Variants in ZDHHC23 observed in about 807,000 individuals in gnomAD.
ZDHHC23 encodes palmitoyltransferase ZDHHC23.
A neutral mutation model predicts 40.2 loss-of-function variants in ZDHHC23; 41 were observed. The ratio of observed to expected loss-of-function variants is 1.02; its 90% CI spans 0.79 to 1.32. The LOEUF is 1.32. Ranked by LOEUF, ZDHHC23 falls within the 40% of genes most tolerant of loss-of-function variation. The pLI is 0.00. For synonymous variants in ZDHHC23, 204 were observed against 210.2 expected (o/e 0.97, Z 0.26); for missense variants, 471 against 541.5 (o/e 0.87, Z 1.29).
At chr3:113,966,472 C>T (rs2107544107), downstream of ZDHHC23, among the ~76,000 whole-genome samples, 1 of 152,274 alleles carries the variant, frequency 6.6e-6, no homozygotes, top group African/African-American at 2.4e-5. Flanking sequence ...GAGGACTACC[C>T]AGTCTGGTGG....
downstream of ZDHHC23, chr3:113,964,111 G>A (rs1024922263): frequency 1.3e-5 from 2 of 151,856 alleles, no homozygotes; most frequent in South Asian, 4.2e-4. Context: ...ATCCTTTCTA[G>A]GAAGTATGAG....
Position 113,960,687 on chromosome 3 carries a change from T to C in ZDHHC23, c.*2057T>C. 2 of 1,606,066 alleles carry C rather than the reference T, an allele frequency of 1.2e-6. No homozygotes were observed. Among genetic ancestry groups the C allele is most frequent in the Non-Finnish European group, 1.7e-6 (2 of 1,177,126 alleles). ...AATAATTTGGGAGAATTAGGAATGA[T>C]GACAATTTTTTTTAACAACTTACCT... On this transcript the variant is annotated 3_prime_UTR_variant, in exon 5 of 5. Coordinates refer to ENST00000638807, the MANE Select transcript of ZDHHC23 (RefSeq NM_001320466.2).
chr3:113,950,421 A>G lies in ZDHHC23; in HGVS notation c.161+1458A>G, dbSNP rs182186338. On this transcript the variant is annotated intron_variant, in intron 2 of 4. Transcript: ENST00000638807. ...GAGGGCCCTTTTCCTCATAGATGAC[A>G]CCTTCTTGGTGTGTCATGACATGGC... Among the ~76,000 whole-genome samples the G allele has an allele frequency of 1.8e-4, 27 of 152,036 alleles. No individual in the cohort carries two copies. The East Asian group carries it at 5.0e-3, about 28-fold the overall frequency.
In ZDHHC23 at chr3:113,958,507, C is replaced by T; in HGVS notation, c.1185C>T (p.Arg395=). ...AGGCCCTCCGACAGAAGACTGGGCGCCGGCTCCTCTGCGGGCTCATCGTGG... is the reference window on the plus strand; with the variant it reads ...AGGCCCTCCGACAGAAGACTGGGCGTCGGCTCCTCTGCGGGCTCATCGTGG... ...VQQALRQKTG[R]RLLCGLIVDT... The change falls in exon 5 of 5, where the codon CGC becomes CGT. Residue 395 remains arginine (R), a synonymous_variant. Coordinates refer to ENST00000638807, the MANE Select transcript of ZDHHC23 (RefSeq NM_001320466.2). The T allele has an allele frequency of 6.2e-7, 1 of 1,613,998 alleles. No individual in the cohort carries two copies. Among genetic ancestry groups the T allele is most frequent in the Non-Finnish European group, 8.5e-7 (1 of 1,180,046 alleles).
chr3:113,972,594 T>C, the ZDHHC23 span, among the ~76,000 whole-genome samples: 1 of 152,148 alleles, frequency 6.6e-6, no homozygotes, highest in South Asian at 2.1e-4. Flanking sequence ...CTATTTGGCC[T>C]GGTTTCTGGT....
chr3:113,969,279 A>ACT (rs1046076687), downstream of ZDHHC23, among the ~76,000 whole-genome samples: 1 of 151,370 alleles, frequency 6.6e-6, no homozygotes, highest in Admixed American at 6.6e-5. Context: ...GTTTGCAAAT[A>ACT]CTCTCTCTCT....
chr3:113,959,286 T>C lies in ZDHHC23; in HGVS notation c.*656T>C. ...CAGTTATGAGAATTTCTCCTTCTTA[T>C]TAGACATGAACTACTCAAACAGAGA... is the stretch of plus-strand genomic sequence containing the variant. On this transcript the variant is annotated 3_prime_UTR_variant, in exon 5 of 5. Transcript: ENST00000638807. 9.2e-7 allele frequency: 1 copy of C among 1,086,766 alleles called. No homozygotes were observed. The highest frequency in any genetic ancestry group is 1.6e-5 in the African/African-American group (1 of 61,900). 67.3% of individuals were successfully genotyped at this position (1,086,766 alleles called of 1,614,324 possible). A position where few individuals can be genotyped will look rare whatever the true frequency, so the allele number is the denominator to read the frequency against.
chr3:113,951,356 G>A (rs1426359003), intron 2 of ZDHHC23, among the ~76,000 whole-genome samples: 1 of 152,154 alleles, frequency 6.6e-6, no homozygotes, highest in East Asian at 1.9e-4. Flanking sequence ...TCTAGGTGGA[G>A]GCAGCCAGGC....
the ZDHHC23 span, among the ~76,000 whole-genome samples, chr3:113,972,527 G>T: frequency 6.6e-6 from 1 of 152,108 alleles, no homozygotes; most frequent in East Asian, 1.9e-4. Flanking sequence ...TCCATGTGCT[G>T]ATAAAAAGAA....
chr3:113,953,659 A>G (rs1559843214), intron 2 of ZDHHC23, 41 bp from the exon 3 acceptor site: 1 of 1,546,068 alleles, frequency 6.5e-7, no homozygotes, highest in Non-Finnish European at 8.8e-7. Context: ...AATTCAACAA[A>G]CCCACATGAA....
At chr3:113,976,855 A>C in the ZDHHC23 span, among the ~76,000 whole-genome samples, 7 of 152,134 alleles carry the variant, frequency 4.6e-5, no homozygotes, top group Admixed American at 1.3e-4. Context: ...TCTAAAGCTA[A>C]ATCATTTATC....
Position 113,948,648 on chromosome 3 carries a change from C to T in ZDHHC23, c.-117-38C>T, listed in dbSNP as rs540383408. Reference sequence around the variant, plus strand: ...CCACAGAAGCCTGATGAAAACGGGACCCCCTCCCCCTCTCTCTTCTCATTT... The same window carrying T: ...CCACAGAAGCCTGATGAAAACGGGATCCCCTCCCCCTCTCTCTTCTCATTT... On this transcript the variant is annotated intron_variant, in intron 1 of 4. Transcript: ENST00000638807. The T allele has an allele frequency of 4.8e-6, 4 of 833,998 alleles. No individual in the cohort carries two copies. In the South Asian group the frequency reaches 7.8e-5, roughly 16 times the overall value. The allele number at this position is 833,998 out of a possible 1,614,324, so 51.7% of individuals were successfully genotyped here.
At chr3:113,953,673 C>T (rs1278328322) in intron 2 of ZDHHC23, 27 bp from the exon 3 acceptor site, 16 of 1,580,060 alleles carry the variant, frequency 1.0e-5, no homozygotes, top group Non-Finnish European at 1.4e-5. Context: ...ACATGAAGTC[C>T]CTCCTCTTTG....
Position 113,956,333 on chromosome 3 carries a change from T to C in ZDHHC23, c.873-6T>C. The stretch of plus-strand genomic sequence containing the variant: ...TTGCTTTTTTATTTCTCTATGCTGT[T>C]TTGAGGATAAATAGCTGCGTTGGAG... On this transcript the variant is annotated splice_polypyrimidine_tract_variant and splice_region_variant and intron_variant, in intron 3 of 4. Coordinates refer to ENST00000638807, the MANE Select transcript of ZDHHC23 (RefSeq NM_001320466.2). 6.2e-7 allele frequency: 1 copy of C among 1,612,944 alleles called. No individual in the cohort carries two copies. The highest frequency in any genetic ancestry group is 8.5e-7 in the Non-Finnish European group (1 of 1,179,684).
At chr3:113,953,402 T>C (rs548080289) in intron 2 of ZDHHC23, among the ~76,000 whole-genome samples, 9 of 152,352 alleles carry the variant, frequency 5.9e-5, no homozygotes, top group African/African-American at 2.2e-4. Flanking sequence ...TTGTGATTTG[T>C]TTTGAGATTC....
chr3:113,971,719 A>G, the ZDHHC23 span, among the ~76,000 whole-genome samples: 2 of 150,816 alleles, frequency 1.3e-5, no homozygotes, highest in South Asian at 4.2e-4. Context: ...CCTCCTCTTC[A>G]GTTTTTTTTT....
the ZDHHC23 span, among the ~76,000 whole-genome samples, chr3:113,974,421 G>A: frequency 4.6e-5 from 7 of 151,752 alleles, no homozygotes; most frequent in African/African-American, 1.5e-4. Flanking sequence ...CCAGGTTCAA[G>A]CCATTCTCCT....
At position 113,954,221 on chromosome 3, in the gene ZDHHC23, A is replaced by T; in HGVS notation, c.683A>T (p.Asp228Val). The change falls in exon 3 of 5, where the codon GAC becomes GTC. Residue 228 changes from aspartate (D) to valine (V), a missense_variant. Physicochemically the swap from Asp to Val is radical, Grantham distance 152 (BLOSUM62 -3). Coordinates refer to ENST00000638807, the MANE Select transcript of ZDHHC23 (RefSeq NM_001320466.2). ...AAGACCAAAGGGTTCCCTGGGGCAG[A>T]CATGTCGGGCAGTCTCAACAATCGC... Reference protein sequence around the residue: ...QEKTKGFPGADMSGSLNNRTT... With the variant: ...QEKTKGFPGAVMSGSLNNRTT... 1 of 1,614,228 alleles carries T rather than the reference A, an allele frequency of 6.2e-7. No homozygotes were observed. The highest frequency in any genetic ancestry group is 8.5e-7 in the Non-Finnish European group (1 of 1,180,032).
intron 2 of ZDHHC23, among the ~76,000 whole-genome samples, chr3:113,951,512 C>T (rs1158923353): frequency 6.6e-6 from 1 of 152,166 alleles, no homozygotes; most frequent in Non-Finnish European, 1.5e-5. Context: ...ATGGAGGGTG[C>T]ACCAGAATGT....
Sources: gnomAD v4.1 joint callset for allele counts (sites outside exome capture counted in the v4.1 genomes callset) on GRCh38, gnomAD v4.1.1 for gene constraint, MANE v1.5 for transcripts, NCBI Gene and HGNC (gene_info 2026-07-23, HGNC 2026-07-21) for gene names.